DSCAM: variants seen among roughly 807,000 people sequenced by gnomAD.
The protein encoded by DSCAM is DS cell adhesion molecule.
In DSCAM, 47 loss-of-function variants were observed where a neutral mutation model predicts 217.7. The ratio of observed to expected loss-of-function variants is 0.22; its 90% confidence interval spans 0.17 to 0.28. DSCAM has a LOEUF of 0.28. Among genes scored for constraint, DSCAM ranks in the 10% least tolerant of loss-of-function variants. The probability of loss-of-function intolerance (pLI) is 1.00; values close to 1 mark genes in which losing one functional copy is unlikely to be tolerated. For missense variants in DSCAM, 2,080 were observed against 2,618.3 expected, an observed-to-expected ratio of 0.79 and a Z score of 4.49; for synonymous variants, 1,056 against 1,015.3, an observed-to-expected ratio of 1.04 and a Z score of -0.76.
chr21:40,756,976 CGTGTGT>C (rs1555886227), intron 1 of DSCAM, among the ~76,000 whole-genome samples: 7 of 149,604 alleles, frequency 4.7e-5, no homozygotes, highest in Admixed American at 2.0e-4. Context: ...AACAAATGGT[CGTGTGT>C]GTGTGTGTGT....
chr21:40,725,723 T>C (rs898612161), intron 1 of DSCAM, among the ~76,000 whole-genome samples: 5 of 152,106 alleles, frequency 3.3e-5, no homozygotes, highest in Admixed American at 6.5e-5. Flanking sequence ...ATTTCTGGGG[T>C]TCTCTGTAGT....
At chr21:40,086,639 C>T (rs2089535997) in intron 22 of DSCAM, among the ~76,000 whole-genome samples, 1 of 152,050 alleles carries the variant, frequency 6.6e-6, no homozygotes, top group Non-Finnish European at 1.5e-5. Context: ...ATGGACAGAC[C>T]ATATCTCACT....
chr21:40,829,274 C>T (rs954514443), intron 1 of DSCAM, among the ~76,000 whole-genome samples: 2 of 152,082 alleles, frequency 1.3e-5, no homozygotes, highest in African/African-American at 2.4e-5. Context: ...ATGAGGTTAT[C>T]GACTCAGAGT....
At chr21:40,663,475 CTT>C (rs2090165415) in intron 3 of DSCAM, among the ~76,000 whole-genome samples, 1 of 152,272 alleles carries the variant, frequency 6.6e-6, no homozygotes, top group Admixed American at 6.5e-5. Flanking sequence ...CATCTATAGA[CTT>C]TGTCTCTGGG....
chr21:40,829,880 T>A (rs987411839), intron 1 of DSCAM, among the ~76,000 whole-genome samples: 3 of 152,118 alleles, frequency 2.0e-5, no homozygotes, highest in African/African-American at 7.2e-5. Context: ...ATTCCAGAAA[T>A]GCTGGGATGA....
At chr21:40,324,118 A>G (rs1308728937) in intron 8 of DSCAM, among the ~76,000 whole-genome samples, 1 of 143,188 alleles carries the variant, frequency 7.0e-6, no homozygotes, top group African/African-American at 2.7e-5. Flanking sequence ...AAAAAAAAAA[A>G]AAAAAAAAAA....
chr21:40,399,690 G>A (rs563840768), intron 3 of DSCAM, among the ~76,000 whole-genome samples: 4 of 152,204 alleles, frequency 2.6e-5, no homozygotes, highest in South Asian at 4.2e-4. Flanking sequence ...ATGCTGCCAC[G>A]GTTTCTGTTA....
intron 3 of DSCAM, among the ~76,000 whole-genome samples, chr21:40,599,919 C>A (rs1301292409): frequency 6.6e-6 from 1 of 152,166 alleles, no homozygotes; most frequent in Non-Finnish European, 1.5e-5. Context: ...GAAGTCAAAT[C>A]TCTGGATAGA....
chr21:40,164,551 A>G (rs1320509406), intron 16 of DSCAM, among the ~76,000 whole-genome samples: 1 of 152,178 alleles, frequency 6.6e-6, no homozygotes, highest in Non-Finnish European at 1.5e-5. Context: ...TAATCCCAGC[A>G]GTTTGGGAGG....
At chr21:40,834,174 C>T (rs1433292766) in intron 1 of DSCAM, among the ~76,000 whole-genome samples, 2 of 151,548 alleles carry the variant, frequency 1.3e-5, no homozygotes, top group African/African-American at 4.9e-5. Context: ...TTTGGGAGGC[C>T]GAGGCGGGCG....
chr21:40,141,541 G>A (rs536441479), intron 18 of DSCAM, among the ~76,000 whole-genome samples: 58 of 152,224 alleles, frequency 3.8e-4, no homozygotes, highest in African/African-American at 1.2e-3. Context: ...GCTTGGGCCC[G>A]GGGAGGTGGA....
intron 3 of DSCAM, among the ~76,000 whole-genome samples, chr21:40,474,766 G>A (rs1423036376): frequency 1.3e-5 from 2 of 152,200 alleles, no homozygotes; most frequent in East Asian, 3.9e-4. Context: ...TTCTGCAGGC[G>A]AGTGCGTGCG....
chr21:40,176,720 C>G (rs574087654), intron 15 of DSCAM, among the ~76,000 whole-genome samples: 93 of 152,308 alleles, frequency 6.1e-4, no homozygotes, highest in African/African-American at 2.1e-3. Flanking sequence ...AGGAGAGGGG[C>G]TGTGTGGGGC....
intron 3 of DSCAM, among the ~76,000 whole-genome samples, chr21:40,591,683 T>A (rs1167995221): frequency 2.6e-5 from 4 of 152,124 alleles, no homozygotes; most frequent in African/African-American, 9.7e-5. Context: ...AACTCTAGGG[T>A]TGTTCCCAAG....
chr21:40,436,702 C>G lies in DSCAM; in HGVS notation c.509-67457G>C, dbSNP rs373343156. Reference sequence around the variant, plus strand: ...GAAGGACTCGCCAAGTGAAACTAGGCCGCCCTCGTTAAAAAATGGTTAAGA... The same window carrying G: ...GAAGGACTCGCCAAGTGAAACTAGGGCGCCCTCGTTAAAAAATGGTTAAGA... On this transcript the variant is annotated intron_variant, in intron 3 of 32. Coordinates refer to ENST00000400454, the MANE Select transcript of DSCAM (RefSeq NM_001389.5). Among the ~76,000 whole-genome samples the G allele has an allele frequency of 1.5e-4, 23 of 152,224 alleles. No homozygotes were observed. In the South Asian group the frequency reaches 3.7e-3, roughly 25 times the overall value.
chr21:40,017,086 A>G (rs905444754), intron 32 of DSCAM, among the ~76,000 whole-genome samples: 3 of 150,690 alleles, frequency 2.0e-5, no homozygotes, highest in Non-Finnish European at 4.4e-5. Flanking sequence ...CTGGGCAACA[A>G]GGATGAAACT....
intron 9 of DSCAM, among the ~76,000 whole-genome samples, chr21:40,297,591 G>A: frequency 6.6e-6 from 1 of 152,174 alleles, no homozygotes; most frequent in East Asian, 1.9e-4. Context: ...TGAGAAGATG[G>A]TTAGGGCCTA....
chr21:40,626,512 C>CTTAG (rs2089603210), intron 3 of DSCAM, among the ~76,000 whole-genome samples: 2 of 152,206 alleles, frequency 1.3e-5, no homozygotes, highest in African/African-American at 4.8e-5. Flanking sequence ...TTCCATTGAA[C>CTTAG]TTAGAATCAA....
chr21:40,607,846 C>T (rs2089262333), intron 3 of DSCAM, among the ~76,000 whole-genome samples: 1 of 152,168 alleles, frequency 6.6e-6, no homozygotes, highest in Non-Finnish European at 1.5e-5. Context: ...TCTTTATCAG[C>T]AGCAAGGTAA....
Sources: allele counts gnomAD v4.1 joint callset (sites outside exome capture counted in the v4.1 genomes callset), GRCh38; gene constraint gnomAD v4.1.1; transcripts MANE v1.5; gene names NCBI Gene and HGNC (gene_info 2026-07-23, HGNC 2026-07-21).